The following SLC44A5 variants were observed in gnomAD, a reference collection of about 807,000 sequenced individuals.
SLC44A5 encodes solute carrier family 44 member 5.
In SLC44A5, 57 loss-of-function variants were observed where a neutral mutation model predicts 101.8. The ratio of observed to expected loss-of-function variants is 0.56; its 90% CI spans 0.45 to 0.70. The LOEUF (loss-of-function observed/expected upper bound fraction) is 0.70, where lower values mean the gene tolerates loss of function less well. SLC44A5 is among the 30% of genes least tolerant of loss of function. The pLI, the probability that SLC44A5 is intolerant of heterozygous loss-of-function variation, is 0.00. For missense variants in SLC44A5, 737 were observed against 853.1 expected (o/e 0.86, Z 1.70); for synonymous variants, 281 against 290.9 (o/e 0.97, Z 0.35).
chr1:75,362,240 A>G (rs1659539565), intron 3 of SLC44A5, among the ~76,000 whole-genome samples: 1 of 151,458 alleles, frequency 6.6e-6, no homozygotes, highest in Non-Finnish European at 1.5e-5. Flanking sequence ...TTTTAAAAAA[A>G]TGTTCGTTTC....
intron 4 of SLC44A5, among the ~76,000 whole-genome samples, chr1:75,336,858 G>A (rs1657484105): frequency 6.6e-6 from 1 of 152,152 alleles, no homozygotes; most frequent in African/African-American, 2.4e-5. Context: ...AAAATAGTAT[G>A]AGGTGTATTC....
At chr1:75,457,788 C>T (rs1019483972) in intron 2 of SLC44A5, among the ~76,000 whole-genome samples, 12 of 151,708 alleles carry the variant, frequency 7.9e-5, no homozygotes, top group African/African-American at 1.5e-4. Context: ...ACCCGCGAGG[C>T]GGAGGTTGCA....
intron 2 of SLC44A5, among the ~76,000 whole-genome samples, chr1:75,435,644 G>A (rs902234846): frequency 4.6e-5 from 7 of 152,078 alleles, no homozygotes; most frequent in Non-Finnish European, 8.8e-5. Context: ...GGTAAAGCTG[G>A]CTCATTCCTA....
chr1:75,454,386 C>T lies in SLC44A5; in HGVS notation c.14-57765G>A, dbSNP rs559408899. Among the ~76,000 whole-genome samples, 10 of 151,980 alleles carry T rather than the reference C, an allele frequency of 6.6e-5. No homozygotes were observed. In the South Asian group the frequency reaches 1.0e-3, roughly 16 times the overall value. ...TAAAACCCTTAAGAAACAAGGCATT[C>T]GAGGAACATATCTCAAAATAATAAG... On this transcript the variant is annotated intron_variant, in intron 2 of 23. Coordinates refer to ENST00000370859, the MANE Select transcript of SLC44A5 (RefSeq NM_001130058.2).
chr1:75,335,816 T>C (rs569915135), intron 4 of SLC44A5, among the ~76,000 whole-genome samples: 13 of 152,318 alleles, frequency 8.5e-5, no homozygotes, highest in African/African-American at 3.1e-4. Context: ...GTGCCTCCCA[T>C]AAATTAGTAG....
chr1:75,384,621 C>T (rs1452894151), intron 3 of SLC44A5, among the ~76,000 whole-genome samples: 2 of 109,256 alleles, frequency 1.8e-5, no homozygotes, highest in Non-Finnish European at 3.7e-5. Flanking sequence ...GACTTTAACA[C>T]CCCACTGTCA....
chr1:75,408,138 A>G (rs1663025573), intron 2 of SLC44A5, among the ~76,000 whole-genome samples: 1 of 152,226 alleles, frequency 6.6e-6, no homozygotes, highest in Admixed American at 6.5e-5. Flanking sequence ...GTCATTAGAG[A>G]AATGCAAATT....
intron 2 of SLC44A5, among the ~76,000 whole-genome samples, chr1:75,506,772 G>C (rs1436408824): frequency 2.0e-5 from 3 of 151,940 alleles, no homozygotes; most frequent in Non-Finnish European, 4.4e-5. Context: ...CATATTGTCA[G>C]TAAAGAGAGA....
At chr1:75,543,113 G>A (rs1236782432) in intron 1 of SLC44A5, among the ~76,000 whole-genome samples, 1 of 152,012 alleles carries the variant, frequency 6.6e-6, no homozygotes, top group Non-Finnish European at 1.5e-5. Context: ...TTTATCAAAG[G>A]ATCAGTTAGT....
intron 1 of SLC44A5, among the ~76,000 whole-genome samples, chr1:75,548,526 G>A (rs561987124): frequency 6.6e-6 from 1 of 151,980 alleles, no homozygotes; most frequent in Admixed American, 6.6e-5. Context: ...AGAGCTATTG[G>A]TCCCAAATAT....
the SLC44A5 span, among the ~76,000 whole-genome samples, chr1:75,643,505 T>C: frequency 6.6e-6 from 1 of 152,226 alleles, no homozygotes; most frequent in Admixed American, 6.5e-5. Context: ...AAAAGATGTG[T>C]AAATACCTTT....
chr1:75,698,288 G>A, the SLC44A5 span, among the ~76,000 whole-genome samples: 1 of 152,308 alleles, frequency 6.6e-6, no homozygotes, highest in African/African-American at 2.4e-5. Flanking sequence ...GGTTCTCCCA[G>A]TACGCAGCTG....
the SLC44A5 span, among the ~76,000 whole-genome samples, chr1:75,626,411 C>T: frequency 6.6e-6 from 1 of 152,124 alleles, no homozygotes. Context: ...AATGGTGTTC[C>T]ATTGCTCATA....
At chr1:75,451,782 T>C (rs944580026) in intron 2 of SLC44A5, among the ~76,000 whole-genome samples, 1 of 152,018 alleles carries the variant, frequency 6.6e-6, no homozygotes, top group Non-Finnish European at 1.5e-5. Context: ...TCTTTCTAAC[T>C]AAATCAGTCA....
chr1:75,641,520 T>C, the SLC44A5 span: 1 of 1,479,538 alleles, frequency 6.8e-7, no homozygotes, highest in Non-Finnish European at 9.4e-7. Flanking sequence ...TCTTCTGCAC[T>C]GACTGGCTTT....
At chr1:75,401,782 A>G (rs1412580704) in intron 2 of SLC44A5, among the ~76,000 whole-genome samples, 1 of 152,142 alleles carries the variant, frequency 6.6e-6, no homozygotes, top group East Asian at 1.9e-4. Flanking sequence ...TATCACCTGT[A>G]ACCTTCTGTG....
intron 3 of SLC44A5, among the ~76,000 whole-genome samples, chr1:75,348,230 G>A (rs984614907): frequency 6.6e-6 from 1 of 151,544 alleles, no homozygotes; most frequent in Non-Finnish European, 1.5e-5. Context: ...TATCTTAAAA[G>A]CACTATAAAA....
intron 1 of SLC44A5, among the ~76,000 whole-genome samples, chr1:75,556,059 AAGG>A (rs949019659): frequency 1.3e-5 from 2 of 152,098 alleles, no homozygotes. Flanking sequence ...GATGGTGTAG[AAGG>A]AGGAGGGGAT....
the SLC44A5 span, among the ~76,000 whole-genome samples, chr1:75,634,360 T>C: frequency 3.9e-5 from 6 of 152,068 alleles, no homozygotes; most frequent in Admixed American, 3.9e-4. Context: ...CTGGACTCTT[T>C]TTGGTTGGTA....
Sources: allele counts gnomAD v4.1 joint callset (sites outside exome capture counted in the v4.1 genomes callset), GRCh38; gene constraint gnomAD v4.1.1; transcripts MANE v1.5; gene names NCBI Gene and HGNC (gene_info 2026-07-23, HGNC 2026-07-21).